The following FRMPD4 variants were observed in gnomAD, a reference collection of about 807,000 sequenced individuals.
FRMPD4 encodes FERM and PDZ domain-containing protein 4.
Under a neutral mutation model 94.1 loss-of-function variants are expected in FRMPD4, and 22 were observed. The observed-to-expected ratio is 0.23, with a 90% confidence interval of 0.17 to 0.33. The LOEUF (loss-of-function observed/expected upper bound fraction) is 0.33. FRMPD4 is among the 10% of genes least tolerant of loss of function. The pLI is 1.00. For synonymous variants in FRMPD4, 631 were observed against 548.6 expected (o/e 1.15, Z -2.10); for missense variants, 1,111 against 1,339.9 (o/e 0.83, Z 2.67).
intron 1 of FRMPD4, among the ~76,000 whole-genome samples, chrX:12,365,761 A>G (rs2147998361): frequency 8.9e-6 from 1 of 112,166 alleles, no homozygotes; most frequent in South Asian, 3.8e-4. Context: ...GGGGCAACCA[A>G]GGGAGGAGAG....
chrX:12,522,594 C>CTTTTTTTTTTTT (rs373581040), intron 2 of FRMPD4, among the ~76,000 whole-genome samples: 3 of 74,548 alleles, frequency 4.0e-5, no homozygotes, highest in African/African-American at 1.2e-4. Context: ...TTTTCTTTTC[C>CTTTTTTTTTTTT]TTTTTTTTTT....
chrX:12,559,119 A>G (rs1292793921), intron 2 of FRMPD4, among the ~76,000 whole-genome samples: 5 of 112,373 alleles, frequency 4.4e-5, no homozygotes, highest in Non-Finnish European at 7.5e-5. Context: ...ATACTGTGTC[A>G]GATTTAGGTT....
chrX:12,177,882 CT>C (rs1441771713), intron 1 of FRMPD4, among the ~76,000 whole-genome samples: 1 of 111,908 alleles, frequency 8.9e-6, no homozygotes, highest in Non-Finnish European at 1.9e-5. Context: ...GGGGTCTATA[CT>C]TTTTCTGTCC....
chrX:12,080,279 G>T (rs1377887096), intron 3 of FRMPD4, among the ~76,000 whole-genome samples: 1 of 112,131 alleles, frequency 8.9e-6, no homozygotes, highest in Non-Finnish European at 1.9e-5. Context: ...TTGTTTTCCT[G>T]GTGTCATTAT....
chrX:12,622,006 GAAAGA>G (rs1569370056), intron 4 of FRMPD4, among the ~76,000 whole-genome samples: 22 of 49,023 alleles, frequency 4.5e-4, no homozygotes, highest in East Asian at 3.9e-3. Flanking sequence ...AAGAAAGAAA[GAAAGA>G]AAGAAAGGAA....
intron 2 of FRMPD4, among the ~76,000 whole-genome samples, chrX:12,522,594 CT>C (rs373581040): frequency 5.6e-3 from 416 of 74,413 alleles, no homozygotes; most frequent in South Asian, 0.018. Context: ...TTTTCTTTTC[CT>C]TTTTTTTTTT....
chrX:12,050,487 A>G (rs1038095455), intron 3 of FRMPD4, among the ~76,000 whole-genome samples: 1 of 111,683 alleles, frequency 9.0e-6, no homozygotes, highest in Admixed American at 9.5e-5. Context: ...TGATGTTTGC[A>G]CAATAATGAA....
intron 1 of FRMPD4, among the ~76,000 whole-genome samples, chrX:12,292,547 C>T (rs2054706091): frequency 9.0e-6 from 1 of 110,760 alleles, no homozygotes; most frequent in South Asian, 3.8e-4. Context: ...CATTATTTAA[C>T]TTAGATTTAG....
intron 1 of FRMPD4, among the ~76,000 whole-genome samples, chrX:12,450,883 A>G (rs1601956955): frequency 9.7e-6 from 1 of 102,725 alleles, no homozygotes; most frequent in South Asian, 4.3e-4. Context: ...AAAAAAAAAA[A>G]GAGAGAGAGA....
At position 12,635,815 on chromosome X, in the gene FRMPD4, C is replaced by G. The variant is rs758643713; in HGVS notation, c.422+20934C>G. ...GCTACAGGTTGTTTTAGAGAAATTT[C>G]ATTATGGAAAGTTGTGAACAGAATC... On this transcript the variant is annotated intron_variant, in intron 4 of 16. Coordinates refer to ENST00000675598, the MANE Select transcript of FRMPD4 (RefSeq NM_001368397.1). Among the ~76,000 whole-genome samples, 14 of 111,790 alleles carry G rather than the reference C, an allele frequency of 1.3e-4. No individual in the cohort carries two copies. In the East Asian group the frequency reaches 3.6e-3, roughly 29 times the overall value.
chrX:11,948,278 G>A (rs1347706677), intron 3 of FRMPD4, among the ~76,000 whole-genome samples: 1 of 110,403 alleles, frequency 9.1e-6, no homozygotes, highest in African/African-American at 3.3e-5. Context: ...CTATTAAGAG[G>A]TGAGGTGTTT....
At chrX:11,887,322 G>A (rs2053850963) in intron 3 of FRMPD4, among the ~76,000 whole-genome samples, 1 of 111,472 alleles carries the variant, frequency 9.0e-6, no homozygotes, top group African/African-American at 3.3e-5. Context: ...CCAGGTCAGG[G>A]AGAACAATTG....
At chrX:11,962,127 T>C (rs1688869921) in intron 3 of FRMPD4, among the ~76,000 whole-genome samples, 1 of 112,459 alleles carries the variant, frequency 8.9e-6, no homozygotes. Context: ...CCTACTGCTA[T>C]AACAAAATAC....
intron 1 of FRMPD4, among the ~76,000 whole-genome samples, chrX:12,394,769 G>A (rs1379067626): frequency 9.0e-6 from 1 of 111,665 alleles, no homozygotes; most frequent in Non-Finnish European, 1.9e-5. Flanking sequence ...GAGTTGCAAT[G>A]CATTTGTTGT....
intron 1 of FRMPD4, among the ~76,000 whole-genome samples, chrX:12,326,510 A>G (rs1319491535): frequency 9.0e-6 from 1 of 111,574 alleles, no homozygotes; most frequent in Admixed American, 9.5e-5. Context: ...ATGTCTCCAC[A>G]TATTGCCAAA....
intron 1 of FRMPD4, among the ~76,000 whole-genome samples, chrX:12,472,751 G>A (rs184254000): frequency 0.11 from 11,328 of 103,775 alleles, 520 homozygotes; most frequent in African/African-American, 0.16. Context: ...AGCGAGAAGA[G>A]AAGTTTAGAG....
At chrX:12,390,932 G>A (rs895338134) in intron 1 of FRMPD4, among the ~76,000 whole-genome samples, 3 of 111,393 alleles carry the variant, frequency 2.7e-5, no homozygotes, top group Non-Finnish European at 5.6e-5. Context: ...ATGTCTCAAC[G>A]ACTTCACTGT....
intron 2 of FRMPD4, among the ~76,000 whole-genome samples, chrX:11,874,183 C>T (rs989535706): frequency 8.9e-6 from 1 of 112,612 alleles, no homozygotes; most frequent in Non-Finnish European, 1.9e-5. Flanking sequence ...CAGGGTCTCG[C>T]TCTGTTACTC....
chrX:12,168,749 C>T (rs1205109045), intron 1 of FRMPD4, among the ~76,000 whole-genome samples: 1 of 108,037 alleles, frequency 9.3e-6, no homozygotes, highest in Non-Finnish European at 1.9e-5. Flanking sequence ...CCTCAGCCTC[C>T]TGAGTAGCTG....
Sources: allele counts gnomAD v4.1 joint callset (sites outside exome capture counted in the v4.1 genomes callset), GRCh38; gene constraint gnomAD v4.1.1; transcripts MANE v1.5; gene names NCBI Gene and HGNC (gene_info 2026-07-23, HGNC 2026-07-21).